The following LANCL2 variants were observed in gnomAD, a reference collection of about 807,000 sequenced individuals.
LANCL2 encodes lanC-like protein 2.
LANCL2 carries 33 observed loss-of-function variants against 56.9 expected under a neutral mutation model. That is an observed-to-expected ratio of 0.58 (90% CI 0.44 to 0.78). LANCL2 has a LOEUF of 0.78. Among genes scored for constraint, LANCL2 ranks in the 30% least tolerant of loss-of-function variants. The pLI is 0.00. For missense variants in LANCL2, 562 were observed against 580.2 expected, an observed-to-expected ratio of 0.97 and a Z score of 0.32; for synonymous variants, 233 against 228.2, an observed-to-expected ratio of 1.02 and a Z score of -0.19.
Position 55,411,607 on chromosome 7 carries a change from G to A in LANCL2, c.826-300G>A, listed in dbSNP as rs147335967. On this transcript the variant is annotated intron_variant, in intron 5 of 8. Coordinates refer to ENST00000254770, the MANE Select transcript of LANCL2 (RefSeq NM_018697.4). ...AGTATTGGTATTTTAACAAAGCAAA[G>A]CAACAAAACAAAACCTATCTACTCC... Among the ~76,000 whole-genome samples the A allele has an allele frequency of 5.5e-4, 83 of 152,256 alleles. No homozygotes were observed. In the East Asian group the frequency reaches 0.015, roughly 28 times the overall value.
chr7:55,370,106 T>G (rs1789926758), intron 1 of LANCL2, among the ~76,000 whole-genome samples: 1 of 152,164 alleles, frequency 6.6e-6, no homozygotes, highest in Admixed American at 6.5e-5. Flanking sequence ...ATTTTGAGGC[T>G]TAACTGGGAG....
At chr7:55,404,181 C>T (rs745934001) in intron 5 of LANCL2, among the ~76,000 whole-genome samples, 5 of 152,210 alleles carry the variant, frequency 3.3e-5, no homozygotes, top group Non-Finnish European at 7.3e-5. Flanking sequence ...AGGGCTTCAG[C>T]CTAGCCTGTG....
intron 5 of LANCL2, among the ~76,000 whole-genome samples, chr7:55,410,274 A>G (rs1790456546): frequency 1.3e-5 from 2 of 152,256 alleles, no homozygotes; most frequent in Non-Finnish European, 1.5e-5. Context: ...TAAAAGTACC[A>G]TGTAGCCTTT....
At chr7:55,422,277 A>T (rs1233692490) in intron 6 of LANCL2, among the ~76,000 whole-genome samples, 2 of 152,170 alleles carry the variant, frequency 1.3e-5, no homozygotes. Flanking sequence ...ATTCTTAAAT[A>T]CAGTTTTGCT....
chr7:55,399,903 G>A, intron 3 of LANCL2, 54 bp from the exon 4 acceptor site: 1 of 1,472,216 alleles, frequency 6.8e-7, no homozygotes, highest in South Asian at 1.3e-5. Context: ...AGTGTTTCAG[G>A]AAGAAGTACT....
chr7:55,414,189 G>C (rs1790501357), intron 6 of LANCL2, among the ~76,000 whole-genome samples: 1 of 152,150 alleles, frequency 6.6e-6, no homozygotes, highest in Non-Finnish European at 1.5e-5. Flanking sequence ...CTCTCTGCCA[G>C]CGGAGAAACA....
At chr7:55,420,517 A>G (rs1790596873) in intron 6 of LANCL2, among the ~76,000 whole-genome samples, 1 of 152,226 alleles carries the variant, frequency 6.6e-6, no homozygotes, top group Non-Finnish European at 1.5e-5. Flanking sequence ...TGAATGGTCT[A>G]GTTGTCAGGC....
chr7:55,415,170 G>A (rs1024962040), intron 6 of LANCL2, among the ~76,000 whole-genome samples: 1 of 152,114 alleles, frequency 6.6e-6, no homozygotes, highest in African/African-American at 2.4e-5. Context: ...AGGAATTTGT[G>A]TGGGTTTAGC....
At chr7:55,372,943 A>G (rs770338270) in intron 1 of LANCL2, among the ~76,000 whole-genome samples, 1 of 152,152 alleles carries the variant, frequency 6.6e-6, no homozygotes, top group Non-Finnish European at 1.5e-5. Context: ...AGGGCATGGA[A>G]CTCCTGTTGA....
intron 6 of LANCL2, among the ~76,000 whole-genome samples, chr7:55,416,888 T>G (rs1034003235): frequency 7.2e-5 from 11 of 152,202 alleles, no homozygotes; most frequent in African/African-American, 2.6e-4. Flanking sequence ...CTTTAATCTT[T>G]ATTGTTTTAG....
chr7:55,419,400 C>CTTTT (rs1156534780), intron 6 of LANCL2, among the ~76,000 whole-genome samples: 1 of 109,098 alleles, frequency 9.2e-6, no homozygotes, highest in Non-Finnish European at 1.9e-5. Context: ...TGTTCTTTTC[C>CTTTT]TTTTTTTTTT....
chr7:55,427,805 C>T (rs1790680972), intron 7 of LANCL2, among the ~76,000 whole-genome samples: 1 of 152,170 alleles, frequency 6.6e-6, no homozygotes, highest in Non-Finnish European at 1.5e-5. Context: ...TATGGAAACA[C>T]CCATTGAAGA....
chr7:55,416,089 A>G (rs1790536171), intron 6 of LANCL2, among the ~76,000 whole-genome samples: 1 of 152,116 alleles, frequency 6.6e-6, no homozygotes, highest in Non-Finnish European at 1.5e-5. Context: ...AGAAATTGCC[A>G]CTTTTTCCAC....
chr7:55,367,565 AG>A (rs1309125586), intron 1 of LANCL2, among the ~76,000 whole-genome samples: 1 of 152,240 alleles, frequency 6.6e-6, no homozygotes, highest in Non-Finnish European at 1.5e-5. Context: ...TCTCTACAAA[AG>A]AAAAATACAA....
At chr7:55,431,017 A>T (rs1583770088) in intron 8 of LANCL2, among the ~76,000 whole-genome samples, 1 of 152,218 alleles carries the variant, frequency 6.6e-6, no homozygotes, top group South Asian at 2.1e-4. Flanking sequence ...AGTTTTTTAA[A>T]TATAAGATAG....
Position 55,400,024 on chromosome 7 carries a change from C to A in LANCL2, c.598C>A (p.Arg200=). The change falls in exon 4 of 9, where the codon CGG becomes AGG. Residue 200 remains arginine, a synonymous_variant. Coordinates refer to ENST00000254770, the MANE Select transcript of LANCL2 (RefSeq NM_018697.4). ...SDLPDELLYG[R]AGYLYALLYL... ...CCTTCCTGATGAGCTGCTTTATGGA[C>A]GGGCAGGTTATCTGTATGCCTTACT... 1.9e-6 allele frequency: 3 copies of A among 1,613,798 alleles called. No homozygotes were observed. Among genetic ancestry groups the A allele is most frequent in the Admixed American group, 1.7e-5 (1 of 59,996 alleles).
intron 6 of LANCL2, among the ~76,000 whole-genome samples, chr7:55,416,579 C>T (rs1194458589): frequency 3.3e-5 from 5 of 152,232 alleles, no homozygotes; most frequent in South Asian, 4.2e-4. Context: ...CTGTGCCCAG[C>T]CTGTCTCTTC....
At chr7:55,423,679 A>T (rs1031016623) in intron 6 of LANCL2, among the ~76,000 whole-genome samples, 5 of 152,192 alleles carry the variant, frequency 3.3e-5, no homozygotes, top group African/African-American at 7.2e-5. Flanking sequence ...ATGTGATCAC[A>T]TTTTAATCTT....
At chr7:55,423,884 A>G (rs1313548006) in intron 6 of LANCL2, among the ~76,000 whole-genome samples, 1 of 152,182 alleles carries the variant, frequency 6.6e-6, no homozygotes, top group East Asian at 1.9e-4. Context: ...CTGATTCCCT[A>G]ACAGCCTAAC....
Sources: gnomAD v4.1 joint callset for allele counts (sites outside exome capture counted in the v4.1 genomes callset) on GRCh38, gnomAD v4.1.1 for gene constraint, MANE v1.5 for transcripts, NCBI Gene and HGNC (gene_info 2026-07-23, HGNC 2026-07-21) for gene names.